ZMYND8: variants seen among roughly 807,000 people sequenced by gnomAD.
ZMYND8 encodes the protein zinc finger MYND-type containing 8, also known as MYND-type zinc finger-containing chromatin reader ZMYND8.
Under a neutral mutation model 140.8 loss-of-function variants are expected in ZMYND8, and 37 were observed. That is an observed-to-expected ratio of 0.26 (90% confidence interval 0.20 to 0.35). The LOEUF is 0.35. Among genes scored for constraint, ZMYND8 ranks in the 10% least tolerant of loss-of-function variants. The probability of loss-of-function intolerance (pLI) is 1.00; values close to 1 mark genes in which losing one functional copy is unlikely to be tolerated. For missense variants in ZMYND8, 1,068 were observed against 1,570.0 expected (o/e 0.68, Z 5.40); for synonymous variants, 592 against 597.1 (o/e 0.99, Z 0.12).
intron 8 of ZMYND8, chr20:47,285,851 A>G: frequency 1.0e-6 from 1 of 981,448 alleles, no homozygotes; most frequent in Non-Finnish European, 1.2e-6. Context: ...AAATACATAA[A>G]ATAAACTAAG....
chr20:47,246,341 C>T lies in ZMYND8; in HGVS notation c.1951G>A (p.Ala651Thr), dbSNP rs777631395. 1 of 1,613,988 alleles carries T rather than the reference C, an allele frequency of 6.2e-7. No individual in the cohort carries two copies. The highest frequency in any genetic ancestry group is 1.7e-5 in the Admixed American group (1 of 60,002). Residue 651 changes from alanine (A) to threonine (T), a missense_variant, in exon 14 of 23, where the codon GCT becomes ACT. Coordinates refer to ENST00000471951, the MANE Select transcript of ZMYND8 (RefSeq NM_001281775.3). ...GTAGGCTTGGGCTTTTTTTTAACAG[C>T]AGATGGCTCTTTGTCCATCTGACAA... is the stretch of plus-strand genomic sequence containing the variant. ...EGCQMDKEPS[A>T]VKKKPKPTNP...
intron 4 of ZMYND8, among the ~76,000 whole-genome samples, chr20:47,296,320 T>C (rs1434220743): frequency 6.6e-6 from 1 of 152,142 alleles, no homozygotes; most frequent in Non-Finnish European, 1.5e-5. Flanking sequence ...GCACCACATA[T>C]GCAATTTTCA....
At chr20:47,213,418 A>C (rs1016325936) in intron 21 of ZMYND8, among the ~76,000 whole-genome samples, 1 of 152,280 alleles carries the variant, frequency 6.6e-6, no homozygotes, top group Non-Finnish European at 1.5e-5. Flanking sequence ...AAAAGAATGG[A>C]ATATAATCAC....
At chr20:47,345,707 C>T (rs1168563429) in intron 2 of ZMYND8, among the ~76,000 whole-genome samples, 1 of 152,012 alleles carries the variant, frequency 6.6e-6, no homozygotes. Flanking sequence ...TGGGGTTTCA[C>T]CGTGTTGCCC....
intron 2 of ZMYND8, chr20:47,320,825 T>G (rs962382987): frequency 6.6e-6 from 1 of 152,166 alleles, no homozygotes; most frequent in South Asian, 2.1e-4. Flanking sequence ...CACAGAAGGA[T>G]AGACGGGGTA....
chr20:47,326,764 T>C (rs186468420), intron 2 of ZMYND8, among the ~76,000 whole-genome samples: 6 of 152,314 alleles, frequency 3.9e-5, no homozygotes, highest in Non-Finnish European at 5.9e-5. Flanking sequence ...CTGCATCCCA[T>C]GGAAATGAGT....
intron 2 of ZMYND8, among the ~76,000 whole-genome samples, chr20:47,343,049 G>A (rs1194084517): frequency 6.6e-6 from 1 of 152,172 alleles, no homozygotes; most frequent in Non-Finnish European, 1.5e-5. Context: ...GGAGGCCAAA[G>A]TGGTAGGATC....
chr20:47,295,554 G>A (rs886425097), intron 4 of ZMYND8, among the ~76,000 whole-genome samples: 1 of 152,210 alleles, frequency 6.6e-6, no homozygotes, highest in African/African-American at 2.4e-5. Context: ...CATCACTGAT[G>A]GAAAGGGACA....
intron 11 of ZMYND8, among the ~76,000 whole-genome samples, chr20:47,270,950 A>G (rs2075901090): frequency 6.6e-6 from 1 of 151,790 alleles, no homozygotes; most frequent in Non-Finnish European, 1.5e-5. Context: ...GGCGGCAGGC[A>G]CCTGTAGTCC....
At chr20:47,308,472 C>T (rs1160485614) in intron 3 of ZMYND8, among the ~76,000 whole-genome samples, 4 of 152,104 alleles carry the variant, frequency 2.6e-5, no homozygotes, top group African/African-American at 9.7e-5. Context: ...CCGTTTGCCT[C>T]GGCCTCCCAA....
chr20:47,315,193 CAA>C (rs1361804291), intron 2 of ZMYND8, among the ~76,000 whole-genome samples: 1 of 152,110 alleles, frequency 6.6e-6, no homozygotes, highest in Non-Finnish European at 1.5e-5. Context: ...CACCAGGAAA[CAA>C]AGGGGGAAAC....
chr20:47,276,767 G>A lies in ZMYND8; in HGVS notation c.1027C>T (p.Leu343Phe), dbSNP rs1452654165. ...RAWVPINNCY[L>F]MSKEIPFSVK... ...GAAAAAGGAATTTCTTTAGACATGAGGTAGCAATTATTTATTGGAACCCAG... is the reference window on the plus strand; with the variant it reads ...GAAAAAGGAATTTCTTTAGACATGAAGTAGCAATTATTTATTGGAACCCAG... The change falls in exon 11 of 23, where the codon CTC becomes TTC. Residue 343 changes from leucine (L) to phenylalanine (F), a missense_variant. Coordinates refer to ENST00000471951, the MANE Select transcript of ZMYND8 (RefSeq NM_001281775.3). 6.2e-7 allele frequency: 1 copy of A among 1,612,024 alleles called. No individual in the cohort carries two copies.
chr20:47,280,655 G>A (rs1462082263), intron 10 of ZMYND8, among the ~76,000 whole-genome samples: 2 of 152,100 alleles, frequency 1.3e-5, no homozygotes, highest in Non-Finnish European at 1.5e-5. Flanking sequence ...TACTCATACT[G>A]TATTACTGTA....
rs1018708544 is a variant in ZMYND8 at position 47,238,752 on chromosome 20, C to T, written c.2665+6G>A. ...GCCACGGAGAACAGAAGGGGAGGCT[C>T]GGTACCTTTCACAGCCTGTCTGGTC... On this transcript the variant is annotated splice_donor_region_variant and intron_variant, in intron 15 of 22. Coordinates refer to ENST00000471951, the MANE Select transcript of ZMYND8 (RefSeq NM_001281775.3). 1.2e-6 allele frequency: 2 copies of T among 1,606,964 alleles called. No homozygotes were observed. The highest frequency in any genetic ancestry group is 1.7e-6 in the Non-Finnish European group (2 of 1,177,220).
intron 18 of ZMYND8, among the ~76,000 whole-genome samples, chr20:47,224,903 A>G (rs758535562): frequency 2.0e-5 from 3 of 149,334 alleles, no homozygotes; most frequent in Non-Finnish European, 4.4e-5. Flanking sequence ...ATTCATTAAC[A>G]TAAGCCTTTT....
chr20:47,281,101 T>G (rs1444098593), intron 10 of ZMYND8, among the ~76,000 whole-genome samples: 1 of 152,246 alleles, frequency 6.6e-6, no homozygotes, highest in African/African-American at 2.4e-5. Context: ...TCATCAAATA[T>G]GTATTTCTTT....
At position 47,236,296 on chromosome 20, in the gene ZMYND8, ATCTCCACGGTAGC is replaced by A; in HGVS notation, c.2856+17_2856+29del. The A allele has an allele frequency of 6.2e-7, 1 of 1,613,730 alleles. No individual in the cohort carries two copies. Among genetic ancestry groups the A allele is most frequent in the Non-Finnish European group, 8.5e-7 (1 of 1,179,756 alleles). On this transcript the variant is annotated intron_variant, in intron 16 of 22. Coordinates refer to ENST00000471951, the MANE Select transcript of ZMYND8 (RefSeq NM_001281775.3). ...TCTGGCATCCTGCCAGGTGTCTGCC[ATCTCCACGGTAGC>A]TCTCCCATCCACTCACTTTGCTAGT...
rs2040600470 is a variant in ZMYND8 at position 47,246,642 on chromosome 20, T to C, written c.1775-125A>G. On this transcript the variant is annotated intron_variant, in intron 13 of 22. Coordinates refer to ENST00000471951, the MANE Select transcript of ZMYND8 (RefSeq NM_001281775.3). The stretch of plus-strand genomic sequence containing the variant: ...AAGCACGTTTCAAATCGCATCACAT[T>C]GGCCTAAATGGGGCCAGTAATAATC... 9 of 1,330,948 alleles carry C rather than the reference T, an allele frequency of 6.8e-6. No homozygotes were observed. In the South Asian group the frequency reaches 1.2e-4, roughly 18 times the overall value. The allele number at this position is 1,330,948 out of a possible 1,614,324, so 82.4% of individuals were successfully genotyped here.
chr20:47,263,790 G>C (rs1038136002), intron 11 of ZMYND8, among the ~76,000 whole-genome samples: 82 of 152,286 alleles, frequency 5.4e-4, no homozygotes, highest in African/African-American at 1.8e-3. Flanking sequence ...ATCTCATCAG[G>C]CTGCCGTGAG....
Sources: gnomAD v4.1 joint callset for allele counts (sites outside exome capture counted in the v4.1 genomes callset) on GRCh38, gnomAD v4.1.1 for gene constraint, MANE v1.5 for transcripts, NCBI Gene and HGNC (gene_info 2026-07-23, HGNC 2026-07-21) for gene names.